The following RSU1 variants were observed in gnomAD, a reference collection of about 807,000 sequenced individuals.
RSU1 encodes Ras suppressor protein 1.
RSU1 carries 26 observed loss-of-function variants against 31.1 expected under a neutral mutation model. That is an observed-to-expected ratio of 0.84 (90% CI 0.61 to 1.16). The LOEUF is 1.16. RSU1 is among the 50% of genes most tolerant of loss of function. The pLI, the probability that RSU1 is intolerant of heterozygous loss-of-function variation, is 0.00. For synonymous variants in RSU1, 164 were observed against 136.3 expected (o/e 1.20, Z -1.41); for missense variants, 320 against 339.1 (o/e 0.94, Z 0.44).
chr10:16,744,679 G>C (rs1397354184), intron 7 of RSU1, among the ~76,000 whole-genome samples: 2 of 152,166 alleles, frequency 1.3e-5, no homozygotes, highest in African/African-American at 4.8e-5. Context: ...AAGCCAATCA[G>C]AGCTTTTTAC....
intron 8 of RSU1, among the ~76,000 whole-genome samples, chr10:16,635,011 T>C (rs1834322126): frequency 6.6e-6 from 1 of 152,246 alleles, no homozygotes; most frequent in Admixed American, 6.5e-5. Flanking sequence ...ACCAAGTTAT[T>C]ATATACCTAT....
intron 2 of RSU1, among the ~76,000 whole-genome samples, chr10:16,806,094 A>C (rs2131676486): frequency 6.6e-6 from 1 of 152,336 alleles, no homozygotes; most frequent in Non-Finnish European, 1.5e-5. Flanking sequence ...TACTTCAATA[A>C]GGTTTTTTGG....
chr10:16,743,698 A>G (rs1398105329), intron 7 of RSU1, among the ~76,000 whole-genome samples: 2 of 152,214 alleles, frequency 1.3e-5, no homozygotes, highest in African/African-American at 4.8e-5. Context: ...TTAACAACAT[A>G]AAGCTGCCTT....
chr10:16,706,647 T>C (rs142992630), intron 7 of RSU1, among the ~76,000 whole-genome samples: 18 of 152,238 alleles, frequency 1.2e-4, no homozygotes, highest in East Asian at 1.9e-4. Context: ...ATTTGATGTT[T>C]TGATACCTAT....
At chr10:16,625,414 T>A (rs544876181) in intron 8 of RSU1, among the ~76,000 whole-genome samples, 1 of 152,074 alleles carries the variant, frequency 6.6e-6, no homozygotes, top group East Asian at 1.9e-4. Flanking sequence ...AACAGAAAAA[T>A]CTCACCATCC....
chr10:16,674,029 A>C (rs1165433831), intron 8 of RSU1, among the ~76,000 whole-genome samples: 1 of 152,162 alleles, frequency 6.6e-6, no homozygotes, highest in African/African-American at 2.4e-5. Context: ...CTCAGCAGCC[A>C]ATATCTAGGT....
chr10:16,753,920 G>C (rs186004207), intron 5 of RSU1, among the ~76,000 whole-genome samples: 1 of 151,988 alleles, frequency 6.6e-6, no homozygotes, highest in African/African-American at 2.4e-5. Flanking sequence ...ACTATGCCTG[G>C]CTACTTTTTA....
At chr10:16,635,150 A>T (rs1257323011) in intron 8 of RSU1, among the ~76,000 whole-genome samples, 1 of 152,224 alleles carries the variant, frequency 6.6e-6, no homozygotes, top group Non-Finnish European at 1.5e-5. Flanking sequence ...AATGAAATAC[A>T]CAAATTGTGG....
At chr10:16,719,285 G>A (rs925448015) in intron 7 of RSU1, among the ~76,000 whole-genome samples, 5 of 152,128 alleles carry the variant, frequency 3.3e-5, no homozygotes, top group African/African-American at 1.2e-4. Context: ...TCCAGCCTGC[G>A]CAACTGAGGG....
rs55848243 is a variant in RSU1 at position 16,699,658 on chromosome 10, G to T, written c.599-4503C>A. 4.2e-3 allele frequency among the ~76,000 whole-genome samples: 646 copies of T among 152,324 alleles called. 4 individuals carry two copies. Among genetic ancestry groups the T allele is most frequent in the African/African-American group, 0.014 (588 of 41,584 alleles). On this transcript the variant is annotated intron_variant, in intron 7 of 8. Transcript: ENST00000345264. ...GTGTTCTAACAAGGATCAGGCAGCA[G>T]GATTAAGCACTGTGACAAAGAGGAT... is the stretch of plus-strand genomic sequence containing the variant.
At position 16,731,685 on chromosome 10, in the gene RSU1, G is replaced by A. The variant is rs78383420; in HGVS notation, c.598+20854C>T. On this transcript the variant is annotated intron_variant, in intron 7 of 8. Coordinates refer to ENST00000345264, the MANE Select transcript of RSU1 (RefSeq NM_012425.4). ...TTGCATTATCATTTTTAAAATCTTCGTTAATCGATATTCTAAAAAATAGTA... is the reference window on the plus strand; with the variant it reads ...TTGCATTATCATTTTTAAAATCTTCATTAATCGATATTCTAAAAAATAGTA... Among the ~76,000 whole-genome samples the A allele has an allele frequency of 1.7e-3, 258 of 152,132 alleles. 3 individuals carry two copies. In the East Asian group the frequency reaches 0.045, roughly 27 times the overall value.
chr10:16,782,151 ACTC>A, intron 2 of RSU1, 67 bp from the exon 3 acceptor site: 1 of 1,300,970 alleles, frequency 7.7e-7, no homozygotes, highest in Non-Finnish European at 1.1e-6. Flanking sequence ...TTCTACCTGT[ACTC>A]CTACAAAGCA....
chr10:16,606,152 C>G (rs986441390), intron 8 of RSU1, among the ~76,000 whole-genome samples: 3 of 152,170 alleles, frequency 2.0e-5, no homozygotes, highest in Non-Finnish European at 4.4e-5. Flanking sequence ...CTTGCGGACA[C>G]TTTTGTACAG....
chr10:16,765,672 T>C (rs1837299462), intron 3 of RSU1, among the ~76,000 whole-genome samples: 1 of 152,234 alleles, frequency 6.6e-6, no homozygotes, highest in African/African-American at 2.4e-5. Flanking sequence ...GGTGATAAGC[T>C]TGGCCATGGT....
chr10:16,683,734 G>A (rs1835381368), intron 8 of RSU1, among the ~76,000 whole-genome samples: 1 of 152,184 alleles, frequency 6.6e-6, no homozygotes, highest in Non-Finnish European at 1.5e-5. Flanking sequence ...TATGTCCAAG[G>A]TGGTTGGGGC....
intron 8 of RSU1, among the ~76,000 whole-genome samples, chr10:16,681,490 G>A (rs1044440989): frequency 6.6e-6 from 1 of 152,140 alleles, no homozygotes; most frequent in African/African-American, 2.4e-5. Context: ...GGTCATCATT[G>A]TCTTCTATTG....
intron 8 of RSU1, among the ~76,000 whole-genome samples, chr10:16,657,253 C>A (rs576312604): frequency 2.6e-5 from 4 of 152,144 alleles, no homozygotes; most frequent in Non-Finnish European, 5.9e-5. Context: ...GGAAATTTTT[C>A]CCTAAGATGG....
chr10:16,750,516 T>C (rs1836956405), intron 7 of RSU1, among the ~76,000 whole-genome samples: 1 of 152,204 alleles, frequency 6.6e-6, no homozygotes, highest in South Asian at 2.1e-4. Context: ...GATTTTAAAA[T>C]ATATACATAG....
In RSU1 at chr10:16,645,940, ATATATATGTG is replaced by A. The variant is rs1370995232; in HGVS notation, c.731+49073_731+49082del. ...TATATGTGTATATACACATATGTGT[ATATATATGTG>A]TATATACATATATGTGTATATATAT... is the stretch of plus-strand genomic sequence containing the variant. On this transcript the variant is annotated intron_variant, in intron 8 of 8. Coordinates refer to ENST00000345264, the MANE Select transcript of RSU1 (RefSeq NM_012425.4). 1.2e-3 allele frequency among the ~76,000 whole-genome samples: 84 copies of A among 68,108 alleles called. 11 individuals carry two copies. The highest frequency in any genetic ancestry group is 2.3e-3 in the African/African-American group (28 of 12,184). 44.7% of individuals were successfully genotyped at this position (68,108 alleles called of 152,430 possible).
Sources: allele counts gnomAD v4.1 joint callset (sites outside exome capture counted in the v4.1 genomes callset), GRCh38; gene constraint gnomAD v4.1.1; transcripts MANE v1.5; gene names NCBI Gene and HGNC (gene_info 2026-07-23, HGNC 2026-07-21).